Variants in BCAS3 observed in about 807,000 individuals in gnomAD.
The protein encoded by BCAS3 is BCAS3 microtubule associated cell migration factor, also known as BCAS4/BCAS3 fusion.
BCAS3 carries 53 observed loss-of-function variants against 116.1 expected under a neutral mutation model. The ratio of observed to expected loss-of-function variants is 0.46; its 90% CI spans 0.37 to 0.57. The LOEUF (loss-of-function observed/expected upper bound fraction) is 0.57. BCAS3 is among the 20% of genes least tolerant of loss of function. BCAS3 has a pLI of 0.00. For synonymous variants in BCAS3, 391 were observed against 408.2 expected (o/e 0.96, Z 0.51); for missense variants, 917 against 1,165.4 (o/e 0.79, Z 3.10).
chr17:61,331,053 T>C (rs2056236651), intron 22 of BCAS3, among the ~76,000 whole-genome samples: 1 of 152,174 alleles, frequency 6.6e-6, no homozygotes, highest in South Asian at 2.1e-4. Flanking sequence ...CTACTATAGG[T>C]GCTTTCCGTA....
intron 13 of BCAS3, among the ~76,000 whole-genome samples, chr17:60,934,042 A>G (rs1303594564): frequency 1.3e-5 from 2 of 152,232 alleles, no homozygotes; most frequent in African/African-American, 4.8e-5. Flanking sequence ...ACGATTAGGT[A>G]GTAGGTACAG....
intron 6 of BCAS3, among the ~76,000 whole-genome samples, chr17:60,783,082 A>T (rs1437518286): frequency 2.0e-5 from 3 of 152,182 alleles, no homozygotes. Flanking sequence ...ACATGTCATT[A>T]TATATTTGTT....
At chr17:61,164,279 T>C (rs2078350794) in intron 22 of BCAS3, among the ~76,000 whole-genome samples, 1 of 152,152 alleles carries the variant, frequency 6.6e-6, no homozygotes, top group South Asian at 2.1e-4. Flanking sequence ...AAACATGTGC[T>C]ATGGTTTCAA....
chr17:61,272,774 A>G (rs1041546645), intron 22 of BCAS3, among the ~76,000 whole-genome samples: 1 of 151,680 alleles, frequency 6.6e-6, no homozygotes, highest in Non-Finnish European at 1.5e-5. Flanking sequence ...CTGTTCAGAT[A>G]CATTACATTT....
chr17:61,335,447 C>T (rs576034279), intron 22 of BCAS3, among the ~76,000 whole-genome samples: 8 of 152,196 alleles, frequency 5.3e-5, no homozygotes, highest in Non-Finnish European at 8.8e-5. Context: ...TCAGCAATGA[C>T]GCCAAGATGC....
intron 23 of BCAS3, among the ~76,000 whole-genome samples, chr17:61,374,357 G>A (rs1002862064): frequency 6.6e-6 from 1 of 151,454 alleles, no homozygotes; most frequent in Non-Finnish European, 1.5e-5. Flanking sequence ...TTTTAGTAGA[G>A]ACAGGGTTTC....
intron 7 of BCAS3, among the ~76,000 whole-genome samples, chr17:60,817,877 CAG>C (rs1417494394): frequency 6.9e-6 from 1 of 144,198 alleles, no homozygotes; most frequent in African/African-American, 2.6e-5. Context: ...TTTTTTGAGG[CAG>C]AGTCTCACTC....
chr17:60,705,254 C>T lies in BCAS3; in HGVS notation c.215-3965C>T, dbSNP rs1050977777. Among the ~76,000 whole-genome samples, 3 of 152,168 alleles carry T rather than the reference C, an allele frequency of 2.0e-5. No individual in the cohort carries two copies. The East Asian group carries it at 5.8e-4, about 29-fold the overall frequency. ...TGAAAGAGGGCCGGGCATGGTGGCTCATCCCTGTAATCCCAGCACTTTGGG... is the reference window on the plus strand; with the variant it reads ...TGAAAGAGGGCCGGGCATGGTGGCTTATCCCTGTAATCCCAGCACTTTGGG... On this transcript the variant is annotated intron_variant, in intron 4 of 23. Transcript: ENST00000407086.
chr17:60,844,031 G>A (rs1387716357), intron 7 of BCAS3, among the ~76,000 whole-genome samples: 4 of 152,158 alleles, frequency 2.6e-5, no homozygotes, highest in East Asian at 1.9e-4. Flanking sequence ...ATGCAATGGC[G>A]TGATCTCGGC....
At chr17:61,069,519 C>G (rs919691926) in intron 19 of BCAS3, among the ~76,000 whole-genome samples, 1 of 152,094 alleles carries the variant, frequency 6.6e-6, no homozygotes, top group Non-Finnish European at 1.5e-5. Flanking sequence ...ATTAGGCCTA[C>G]TATTCAATGT....
At chr17:61,384,928 C>T (rs571398644) in intron 23 of BCAS3, among the ~76,000 whole-genome samples, 3 of 152,154 alleles carry the variant, frequency 2.0e-5, no homozygotes, top group African/African-American at 2.4e-5. Flanking sequence ...AGAGGGAAAG[C>T]GCAGGGGAGC....
rs529466801 is a variant in BCAS3 at position 60,759,519 on chromosome 17, T to TAA, written c.403+12240_403+12241insAA. ...ATTTCAGTTTATCTCTCCCTTTAGA[T>TAA]CTACTAATATTCGCTTTATGAATCT... On this transcript the variant is annotated intron_variant, in intron 6 of 23. Transcript: ENST00000407086. 3.5e-4 allele frequency among the ~76,000 whole-genome samples: 54 copies of TAA among 152,316 alleles called. No homozygotes were observed. In the East Asian group the frequency reaches 7.7e-3, roughly 22 times the overall value.
chr17:61,318,969 C>G (rs937444959), intron 22 of BCAS3, among the ~76,000 whole-genome samples: 5 of 152,182 alleles, frequency 3.3e-5, no homozygotes, highest in African/African-American at 9.7e-5. Flanking sequence ...GGGGTTTGAC[C>G]TGGTTCTGCC....
intron 22 of BCAS3, among the ~76,000 whole-genome samples, chr17:61,107,167 A>G (rs1159252517): frequency 7.0e-6 from 1 of 143,142 alleles, no homozygotes; most frequent in African/African-American, 2.6e-5. Context: ...GCTCACTACA[A>G]CCTCTGCCTC....
chr17:61,038,743 A>T (rs1434348854), intron 18 of BCAS3, among the ~76,000 whole-genome samples: 2 of 138,624 alleles, frequency 1.4e-5, no homozygotes, highest in East Asian at 4.2e-4. Flanking sequence ...ATCTCAGCTC[A>T]CTGCAGCCTC....
In BCAS3 at chr17:61,281,606, A is replaced by T. The variant is rs1263807582; in HGVS notation, c.2426-86721A>T. Among the ~76,000 whole-genome samples, 1 of 152,186 alleles carries T rather than the reference A, an allele frequency of 6.6e-6. No homozygotes were observed. The highest frequency in any genetic ancestry group is 2.4e-5 in the African/African-American group (1 of 41,438). ...GCATGGAACGTATTTTCACAAATTT[A>T]AATGCCATATTTAGTTCTTTCATTG... On this transcript the variant is annotated intron_variant, in intron 22 of 23. Coordinates refer to ENST00000407086, the MANE Select transcript of BCAS3 (RefSeq NM_017679.5). This position sits in a 1 kb window ranked among gnomAD's most constrained non-coding sequence, Gnocchi z 4.2.
rs566917382 is a variant in BCAS3, at chr17:61,204,007, C to T, written c.2425+119443C>T. On this transcript the variant is annotated intron_variant, in intron 22 of 23. Transcript: ENST00000407086. The surrounding 1 kb of genome is among the most constrained non-coding windows in gnomAD (Gnocchi z 4.2). The stretch of plus-strand genomic sequence containing the variant: ...AGCTGGGGTTTTGGCAGCCTGTCCT[C>T]GGGTTGTTCAGCCTGGTGACCCTAG... 1.3e-5 allele frequency among the ~76,000 whole-genome samples: 2 copies of T among 152,294 alleles called. No homozygotes were observed. Among genetic ancestry groups the T allele is most frequent in the African/African-American group, 2.4e-5 (1 of 41,560 alleles).
Position 60,747,246 on chromosome 17 carries a change from C to T in BCAS3, c.370C>T (p.Arg124Ter), listed in dbSNP as rs1321744067. The T allele has an allele frequency of 1.9e-6, 3 of 1,613,224 alleles. No homozygotes were observed. Among genetic ancestry groups the T allele is most frequent in the South Asian group, 1.1e-5 (1 of 91,012 alleles). ...ELFSVRHGPI[R>*]AARILPAPQF... ...CTTCTCTGTTCGACATGGCCCAATTCGAGCGGCTAGAATCTTGCCTGCTCC... is the reference window on the plus strand; with the variant it reads ...CTTCTCTGTTCGACATGGCCCAATTTGAGCGGCTAGAATCTTGCCTGCTCC... The change falls in exon 6 of 24, where the codon CGA becomes TGA. Residue 124 changes from arginine (R) to a stop codon, truncating the protein, a stop_gained. Coordinates refer to ENST00000407086, the MANE Select transcript of BCAS3 (RefSeq NM_017679.5). LOFTEE classifies it high-confidence loss of function.
At chr17:60,754,384 G>T (rs975140472) in intron 6 of BCAS3, among the ~76,000 whole-genome samples, 2 of 151,764 alleles carry the variant, frequency 1.3e-5, no homozygotes, top group African/African-American at 2.4e-5. Context: ...ACGGAGTCTT[G>T]CTCTGTCACC....
Sources: gnomAD v4.1 joint callset for allele counts (sites outside exome capture counted in the v4.1 genomes callset) on GRCh38, gnomAD v4.1.1 for gene constraint, Gnocchi (gnomAD v3.1) non-coding constraint, MANE v1.5 for transcripts, NCBI Gene and HGNC (gene_info 2026-07-23, HGNC 2026-07-21) for gene names.